FGD6: variants seen among roughly 807,000 people sequenced by gnomAD.
The protein encoded by FGD6 is FYVE, RhoGEF and PH domain containing 6.
In FGD6, 90 loss-of-function variants were observed where a neutral mutation model predicts 149.4. The ratio of observed to expected loss-of-function variants is 0.60; its 90% confidence interval spans 0.51 to 0.72. The LOEUF (loss-of-function observed/expected upper bound fraction) is 0.72. Ranked by LOEUF, FGD6 falls within the 30% of genes least tolerant of loss-of-function variation. The probability of loss-of-function intolerance (pLI) is 0.00; values close to 1 mark genes in which losing one functional copy is unlikely to be tolerated. For synonymous variants in FGD6, 527 were observed against 584.0 expected (o/e 0.90, Z 1.41); for missense variants, 1,437 against 1,684.8 (o/e 0.85, Z 2.57).
chr12:95,128,631 C>A (rs1879419866), intron 8 of FGD6, among the ~76,000 whole-genome samples: 1 of 152,164 alleles, frequency 6.6e-6, no homozygotes, highest in Non-Finnish European at 1.5e-5. Context: ...AGACAAAGGG[C>A]AAGATCAATA....
chr12:95,113,571 G>C (rs1401670672), intron 9 of FGD6, 80 bp downstream of exon 9: 4 of 1,102,234 alleles, frequency 3.6e-6, no homozygotes, highest in Non-Finnish European at 5.4e-6. Context: ...AATGGATTTT[G>C]TTATCAATAT....
intron 14 of FGD6, chr12:95,100,592 A>C: frequency 2.2e-6 from 1 of 459,956 alleles, no homozygotes; most frequent in Admixed American, 2.6e-5. Flanking sequence ...TTTCTAGGAG[A>C]CTCCTGTGGC....
intron 8 of FGD6, among the ~76,000 whole-genome samples, chr12:95,126,733 A>C (rs1375888574): frequency 3.2e-4 from 1 of 3,118 alleles, no homozygotes; most frequent in African/African-American, 7.8e-3. Context: ...TCAGTCTCAA[A>C]AAAAAAAAAA....
At chr12:95,188,101 A>C (rs1881495283) in intron 2 of FGD6, among the ~76,000 whole-genome samples, 1 of 152,234 alleles carries the variant, frequency 6.6e-6, no homozygotes, top group Non-Finnish European at 1.5e-5. Flanking sequence ...TACCTCACGT[A>C]TGCAATAAAG....
chr12:95,170,657 T>C (rs1221207546), intron 3 of FGD6, among the ~76,000 whole-genome samples: 2 of 152,014 alleles, frequency 1.3e-5, no homozygotes, highest in African/African-American at 4.8e-5. Context: ...GAAAAGAACG[T>C]TGGCTACATA....
chr12:95,166,478 G>A (rs1446975389), intron 3 of FGD6, among the ~76,000 whole-genome samples: 1 of 152,144 alleles, frequency 6.6e-6, no homozygotes, highest in Non-Finnish European at 1.5e-5. Context: ...GGAGGCCAAG[G>A]CAGGAGGATT....
In FGD6 at chr12:95,155,394, G is replaced by A. The variant is rs559649539; in HGVS notation, c.2587-2401C>T. Among the ~76,000 whole-genome samples the A allele has an allele frequency of 1.6e-4, 25 of 152,250 alleles. No homozygotes were observed. The South Asian group carries it at 5.2e-3, about 32-fold the overall frequency. On this transcript the variant is annotated intron_variant, in intron 3 of 20. Transcript: ENST00000343958. ...ATACAAAAAATTAGCTGGGTGTGGTGGCGCATGCCTGTAGTCCCAGCTACT... is the reference window on the plus strand; with the variant it reads ...ATACAAAAAATTAGCTGGGTGTGGTAGCGCATGCCTGTAGTCCCAGCTACT...
chr12:95,149,696 TTGAG>T (rs1490108353), intron 5 of FGD6, among the ~76,000 whole-genome samples: 11 of 145,436 alleles, frequency 7.6e-5, no homozygotes, highest in Non-Finnish European at 4.5e-5. Context: ...AACAAATTTG[TTGAG>T]TGTCAAGCTT....
intron 12 of FGD6, among the ~76,000 whole-genome samples, 169 bp downstream of exon 12, chr12:95,107,394 C>A (rs926281380): frequency 6.6e-5 from 10 of 152,160 alleles, no homozygotes; most frequent in African/African-American, 2.4e-4. Context: ...TACATCATAA[C>A]AGACGTTATT....
intron 15 of FGD6, 21 bp downstream of exon 15, chr12:95,094,571 A>C: frequency 6.4e-7 from 1 of 1,553,396 alleles, no homozygotes; most frequent in African/African-American, 1.4e-5. Flanking sequence ...TGGAAAAAAA[A>C]AAAAAAGGAG....
intron 5 of FGD6, among the ~76,000 whole-genome samples, chr12:95,147,836 A>G (rs922983867): frequency 6.6e-6 from 1 of 152,198 alleles, no homozygotes; most frequent in Non-Finnish European, 1.5e-5. Flanking sequence ...AGAGCACTTA[A>G]TAGAACACCA....
At chr12:95,180,775 C>T (rs982142934) in intron 2 of FGD6, among the ~76,000 whole-genome samples, 4 of 151,976 alleles carry the variant, frequency 2.6e-5, no homozygotes, top group African/African-American at 4.8e-5. Flanking sequence ...ACCACCCCCC[C>T]GACACACACA....
At chr12:95,133,801 C>G (rs1879589956) in intron 8 of FGD6, among the ~76,000 whole-genome samples, 1 of 152,136 alleles carries the variant, frequency 6.6e-6, no homozygotes, top group Non-Finnish European at 1.5e-5. Context: ...ACTACACTAG[C>G]CTTTTTGTGA....
intron 3 of FGD6, among the ~76,000 whole-genome samples, chr12:95,164,195 A>G (rs1421646655): frequency 6.6e-6 from 1 of 151,674 alleles, no homozygotes; most frequent in Admixed American, 6.6e-5. Flanking sequence ...TTTATGTTCC[A>G]ATCTCTTGAC....
rs1180819962 is a variant in FGD6 at position 95,082,779 on chromosome 12, C to CT, written c.4257-1224dup. 2.0e-5 allele frequency among the ~76,000 whole-genome samples: 3 copies of CT among 150,128 alleles called. No homozygotes were observed. The South Asian group carries it at 6.3e-4, about 32-fold the overall frequency. ...TATTCAGAAGATACTTGAGAGTAGT[C>CT]TTTTTCCTCCCTACTAATGTAATTG... On this transcript the variant is annotated intron_variant, in intron 20 of 20. Transcript: ENST00000343958.
At chr12:95,083,012 A>AATATATATATATATATAT (rs1555215600) in intron 20 of FGD6, among the ~76,000 whole-genome samples, 29 of 20,020 alleles carry the variant, frequency 1.4e-3, no homozygotes, top group Non-Finnish European at 2.2e-3. Context: ...AAAAAAAAAA[A>AATATATATATATATATAT]ATATATATAT....
chr12:95,085,343 T>C (rs1592823058), intron 19 of FGD6, among the ~76,000 whole-genome samples: 1 of 151,452 alleles, frequency 6.6e-6, no homozygotes, highest in East Asian at 1.9e-4. Flanking sequence ...CCCTCCCAAG[T>C]GTCTGGGATT....
chr12:95,128,994 G>A (rs1228146213), intron 8 of FGD6, among the ~76,000 whole-genome samples: 1 of 152,192 alleles, frequency 6.6e-6, no homozygotes, highest in Non-Finnish European at 1.5e-5. Context: ...TGTGTCCTTG[G>A]AAGAGAAATT....
At chr12:95,109,970 C>T (rs1029002830) in intron 9 of FGD6, among the ~76,000 whole-genome samples, 1 of 149,200 alleles carries the variant, frequency 6.7e-6, no homozygotes, top group African/African-American at 2.5e-5. Context: ...CTTCCTGGTA[C>T]CAGCCGTGGA....
Sources: gnomAD v4.1 joint callset for allele counts (sites outside exome capture counted in the v4.1 genomes callset) on GRCh38, gnomAD v4.1.1 for gene constraint, MANE v1.5 for transcripts, NCBI Gene and HGNC (gene_info 2026-07-23, HGNC 2026-07-21) for gene names.